AHI1: variants seen among roughly 807,000 people sequenced by gnomAD.
AHI1 encodes Abelson helper integration site 1, also known as jouberin.
AHI1 carries 123 observed loss-of-function variants against 149.3 expected under a neutral mutation model. That is an observed-to-expected ratio of 0.82 (90% CI 0.71 to 0.96). The LOEUF is 0.96. AHI1 is among the 40% of genes least tolerant of loss of function. AHI1 has a pLI of 0.00. For synonymous variants in AHI1, 475 were observed against 459.8 expected, an observed-to-expected ratio of 1.03 and a Z score of -0.42; for missense variants, 1,439 against 1,422.7, an observed-to-expected ratio of 1.01 and a Z score of -0.18.
intron 7 of AHI1, 44 bp downstream of exon 7, chr6:135,465,770 T>C (rs927322121): frequency 1.4e-6 from 2 of 1,392,342 alleles, no homozygotes; most frequent in South Asian, 3.6e-5. Flanking sequence ...AAAATAACAG[T>C]GTTTTTCTAA....
chr6:135,425,076 T>C (rs1783743560), intron 20 of AHI1, among the ~76,000 whole-genome samples: 1 of 151,966 alleles, frequency 6.6e-6, no homozygotes, highest in African/African-American at 2.4e-5. Flanking sequence ...CTTAACTTCT[T>C]CCTAAGCTTC....
At chr6:135,423,308 T>G (rs1286708914) in intron 20 of AHI1, among the ~76,000 whole-genome samples, 1 of 152,198 alleles carries the variant, frequency 6.6e-6, no homozygotes, top group Non-Finnish European at 1.5e-5. Flanking sequence ...TCTATAGGAT[T>G]TGTAATTGTT....
intron 24 of AHI1, among the ~76,000 whole-genome samples, chr6:135,337,412 G>A (rs1789560267): frequency 6.6e-6 from 1 of 152,038 alleles, no homozygotes; most frequent in African/African-American, 2.4e-5. Flanking sequence ...TACTGAAGTT[G>A]GTATTTAGGG....
intron 24 of AHI1, among the ~76,000 whole-genome samples, chr6:135,357,183 C>T (rs569184335): frequency 1.2e-4 from 18 of 152,306 alleles, no homozygotes; most frequent in South Asian, 6.2e-4. Context: ...GTGATCTGCC[C>T]GCCTTGGCCT....
intron 9 of AHI1, among the ~76,000 whole-genome samples, chr6:135,456,132 A>C (rs565805742): frequency 3.7e-4 from 57 of 152,342 alleles, no homozygotes; most frequent in Non-Finnish European, 8.1e-4. Context: ...TCTACTATCA[A>C]TTGGTTTCAC....
intron 23 of AHI1, among the ~76,000 whole-genome samples, chr6:135,366,902 G>A (rs1306610726): frequency 1.3e-5 from 2 of 152,126 alleles, no homozygotes; most frequent in Non-Finnish European, 2.9e-5. Flanking sequence ...TCAGATGATT[G>A]TAGGCATTTA....
intron 20 of AHI1, among the ~76,000 whole-genome samples, chr6:135,421,597 TTTG>T (rs1307042353): frequency 6.6e-6 from 1 of 152,144 alleles, no homozygotes; most frequent in Non-Finnish European, 1.5e-5. Flanking sequence ...TACTCCAGTC[TTTG>T]TTGTTGTCTA....
At chr6:135,374,707 T>A (rs1775642792) in intron 23 of AHI1, among the ~76,000 whole-genome samples, 2 of 152,062 alleles carry the variant, frequency 1.3e-5, no homozygotes, top group South Asian at 4.1e-4. Flanking sequence ...ATAATATGAA[T>A]AAATACAACA....
chr6:135,397,870 CAA>C (rs1312414119), intron 22 of AHI1, among the ~76,000 whole-genome samples: 2 of 151,982 alleles, frequency 1.3e-5, no homozygotes, highest in African/African-American at 4.8e-5. Context: ...TATCATATCT[CAA>C]GTTGGTTTTA....
intron 16 of AHI1, 47 bp from the exon 17 acceptor site, chr6:135,431,361 T>C (rs982952164): frequency 6.8e-6 from 8 of 1,181,172 alleles, no homozygotes; most frequent in Non-Finnish European, 9.7e-6. Flanking sequence ...CACACAGAGT[T>C]AGAAACAAAT....
intron 22 of AHI1, among the ~76,000 whole-genome samples, chr6:135,400,545 A>C (rs535062704): frequency 6.6e-6 from 1 of 152,332 alleles, no homozygotes; most frequent in East Asian, 1.9e-4. Context: ...TTAGAAGCGA[A>C]AGCAGTTATT....
intron 15 of AHI1, among the ~76,000 whole-genome samples, chr6:135,434,522 A>G (rs570086278): frequency 5.9e-5 from 9 of 152,206 alleles, no homozygotes; most frequent in African/African-American, 1.9e-4. Flanking sequence ...AAAATACTAT[A>G]TAACAGGCAG....
At chr6:135,492,704 A>G (rs1795414070) in intron 3 of AHI1, 2 of 985,238 alleles carry the variant, frequency 2.0e-6, no homozygotes, top group Non-Finnish European at 2.4e-6. Context: ...GCTTGTGGGT[A>G]GCACACTCAC....
chr6:135,334,726 T>C (rs75901160), intron 24 of AHI1, among the ~76,000 whole-genome samples: 2,878 of 152,310 alleles, frequency 0.019, 42 homozygotes, highest in East Asian at 0.054. Context: ...GAAAAAATCA[T>C]AGTGTATTTT....
intron 15 of AHI1, among the ~76,000 whole-genome samples, chr6:135,437,473 T>G (rs1253932582): frequency 1.3e-5 from 2 of 152,344 alleles, no homozygotes; most frequent in East Asian, 3.9e-4. Context: ...GGAAGTCAAT[T>G]GTTACTAATT....
chr6:135,464,063 T>C (rs1218819001), intron 7 of AHI1, among the ~76,000 whole-genome samples: 2 of 152,104 alleles, frequency 1.3e-5, no homozygotes, highest in South Asian at 2.1e-4. Context: ...TGGTAAGAAG[T>C]AGCAACCCAG....
intron 24 of AHI1, among the ~76,000 whole-genome samples, chr6:135,324,580 C>CA (rs1378248830): frequency 6.8e-6 from 1 of 146,086 alleles, no homozygotes; most frequent in Non-Finnish European, 1.5e-5. Flanking sequence ...ATATTTATAG[C>CA]ATGTCTCAGT....
At chr6:135,477,647 C>T (rs1021881856) in intron 5 of AHI1, among the ~76,000 whole-genome samples, 4 of 152,042 alleles carry the variant, frequency 2.6e-5, no homozygotes, top group Non-Finnish European at 4.4e-5. Flanking sequence ...GTGTGTAGCA[C>T]GTCCTCCTTC....
At chr6:135,468,416 C>G (rs933156260) in intron 5 of AHI1, among the ~76,000 whole-genome samples, 1 of 151,920 alleles carries the variant, frequency 6.6e-6, no homozygotes, top group African/African-American at 2.4e-5. Context: ...TTCAAAAAAT[C>G]AATGAGGCTG....
Sources: allele counts gnomAD v4.1 joint callset (sites outside exome capture counted in the v4.1 genomes callset), GRCh38; gene constraint gnomAD v4.1.1; transcripts MANE v1.5; gene names NCBI Gene and HGNC (gene_info 2026-07-23, HGNC 2026-07-21).